The following CYTH4 variants were observed in gnomAD, a reference collection of about 807,000 sequenced individuals.
CYTH4 encodes cytohesin 4, also known as cytohesin-4.
CYTH4 carries 22 observed loss-of-function variants against 57.5 expected under a neutral mutation model. The ratio of observed to expected loss-of-function variants is 0.38; its 90% CI spans 0.27 to 0.55. The LOEUF (loss-of-function observed/expected upper bound fraction) is 0.55. Ranked by LOEUF, CYTH4 falls within the 20% of genes least tolerant of loss-of-function variation. The pLI, the probability that CYTH4 is intolerant of heterozygous loss-of-function variation, is 0.74. For synonymous variants in CYTH4, 186 were observed against 206.5 expected (o/e 0.90, Z 0.85); for missense variants, 420 against 535.6 (o/e 0.78, Z 2.13).
intron 9 of CYTH4, among the ~76,000 whole-genome samples, chr22:37,309,605 G>T (rs1220043627): frequency 2.0e-5 from 3 of 152,186 alleles, no homozygotes; most frequent in Non-Finnish European, 4.4e-5. Flanking sequence ...CTTCAGCTGC[G>T]GTTCTGTTTC....
chr22:37,301,989 A>G (rs1432105350), intron 7 of CYTH4: 1 of 169,026 alleles, frequency 5.9e-6, no homozygotes, highest in African/African-American at 2.4e-5. Flanking sequence ...GTGAGCCACC[A>G]TGCCAAGCCA....
At chr22:37,309,106 C>A in intron 8 of CYTH4, 106 bp from the exon 9 acceptor site, 1 of 831,186 alleles carries the variant, frequency 1.2e-6, no homozygotes, top group East Asian at 2.7e-5. Context: ...AAAGAGTATG[C>A]CTGCAGGTGA....
intron 12 of CYTH4, 130 bp downstream of exon 12, chr22:37,312,304 C>A: frequency 7.7e-7 from 1 of 1,290,470 alleles, no homozygotes; most frequent in Non-Finnish European, 1.1e-6. Flanking sequence ...GCTGGCAAAC[C>A]CCTTCCACCC....
intron 7 of CYTH4, 85 bp from the exon 8 acceptor site, chr22:37,303,169 T>C: frequency 1.3e-6 from 2 of 1,559,702 alleles, no homozygotes; most frequent in Non-Finnish European, 8.6e-7. Flanking sequence ...GGCCTTGCAA[T>C]GGCAGTTCTG....
Position 37,295,051 on chromosome 22 carries a change from A to C in CYTH4, c.167+327A>C, listed in dbSNP as rs1467450131. Among the ~76,000 whole-genome samples the C allele has an allele frequency of 6.6e-6, 1 of 152,140 alleles. No individual in the cohort carries two copies. The highest frequency in any genetic ancestry group is 1.5e-5 in the Non-Finnish European group (1 of 68,014). On this transcript the variant is annotated intron_variant, in intron 3 of 12. Coordinates refer to ENST00000248901, the MANE Select transcript of CYTH4 (RefSeq NM_013385.5). This position sits in a 1 kb window ranked among gnomAD's most constrained non-coding sequence, Gnocchi z 4.1. ...GGATGGGCGGGGAGAAGGGAAGCTC[A>C]GCCCCAAGGGCAAGGACAAGGAAGC...
chr22:37,308,142 GC>G (rs1425632910), intron 8 of CYTH4, among the ~76,000 whole-genome samples: 9 of 152,206 alleles, frequency 5.9e-5, no homozygotes, highest in African/African-American at 1.9e-4. Context: ...CCTCAGCTGG[GC>G]CTCTCAACAG....
intron 1 of CYTH4, among the ~76,000 whole-genome samples, chr22:37,291,643 G>A (rs564832297): frequency 3.3e-5 from 5 of 152,142 alleles, no homozygotes; most frequent in Admixed American, 2.6e-4. Flanking sequence ...CAGGGAATAA[G>A]TCTGGCTGCC....
chr22:37,314,364 CA>C lies in CYTH4; in HGVS notation c.*855del, dbSNP rs1929776191. 1 of 398,606 alleles carries C rather than the reference CA, an allele frequency of 2.5e-6. No homozygotes were observed. 24.7% of individuals were successfully genotyped at this position (398,606 alleles called of 1,614,324 possible). The stretch of plus-strand genomic sequence containing the variant: ...CGGGGAGAGGAGCAGGTGGGACCCT[CA>C]AGAAAATGACGGAGAACATCCCAGA... On this transcript the variant is annotated 3_prime_UTR_variant, in exon 13 of 13. Coordinates refer to ENST00000248901, the MANE Select transcript of CYTH4 (RefSeq NM_013385.5).
chr22:37,309,632 T>A (rs150424073), intron 9 of CYTH4, among the ~76,000 whole-genome samples: 1 of 152,044 alleles, frequency 6.6e-6, no homozygotes, highest in South Asian at 2.1e-4. Flanking sequence ...CCCAGCGGAA[T>A]GGGGAGGGAA....
chr22:37,297,365 A>C (rs1929012896), intron 4 of CYTH4, among the ~76,000 whole-genome samples, 199 bp from the exon 5 acceptor site: 1 of 152,060 alleles, frequency 6.6e-6, no homozygotes, highest in Non-Finnish European at 1.5e-5. Context: ...CTTTCTTTGC[A>C]TGCCTCCAGT....
intron 1 of CYTH4, among the ~76,000 whole-genome samples, chr22:37,287,577 G>C (rs1284228772): frequency 1.3e-5 from 2 of 151,894 alleles, no homozygotes; most frequent in Non-Finnish European, 2.9e-5. Context: ...TGCCGGAAGA[G>C]TTCCGGAGCC....
chr22:37,290,499 G>T (rs1032119257), intron 1 of CYTH4, among the ~76,000 whole-genome samples: 6 of 151,818 alleles, frequency 4.0e-5, no homozygotes, highest in African/African-American at 1.5e-4. Flanking sequence ...GGGTTTTTTT[G>T]TTTGTTTTGT....
intron 8 of CYTH4, 50 bp from the exon 9 acceptor site, chr22:37,309,162 G>A (rs762915792): frequency 1.9e-6 from 3 of 1,572,886 alleles, no homozygotes; most frequent in Non-Finnish European, 2.6e-6. Flanking sequence ...CTAGGCCTTG[G>A]ACTCGGGTGG....
At chr22:37,285,281 G>A (rs532927427) in intron 1 of CYTH4, among the ~76,000 whole-genome samples, 1 of 152,270 alleles carries the variant, frequency 6.6e-6, no homozygotes, top group South Asian at 2.1e-4. Flanking sequence ...GTGGGCTTGG[G>A]GTGGGGGTTC....
rs2145859928 is a variant in CYTH4 at position 37,295,545 on chromosome 22, C to T, written c.168-454C>T. On this transcript the variant is annotated intron_variant, in intron 3 of 12. Transcript: ENST00000248901. This position sits in a 1 kb window ranked among gnomAD's most constrained non-coding sequence, Gnocchi z 4.1. ...CGCCTCACTGTTTTAGGTGCTTTAA[C>T]CTCTCAACAATGCTGGGAGGCAGGT... is the stretch of plus-strand genomic sequence containing the variant. Among the ~76,000 whole-genome samples the T allele has an allele frequency of 6.6e-6, 1 of 152,328 alleles. No individual in the cohort carries two copies. The highest frequency in any genetic ancestry group is 2.1e-4 in the South Asian group (1 of 4,830).
chr22:37,302,401 G>T (rs1459351827), intron 7 of CYTH4, among the ~76,000 whole-genome samples: 1 of 152,180 alleles, frequency 6.6e-6, no homozygotes, highest in Non-Finnish European at 1.5e-5. Flanking sequence ...AACTTCCTGT[G>T]CCTCGGTTTC....
At position 37,299,264 on chromosome 22, in the gene CYTH4, A is replaced by G. The variant is rs753540581; in HGVS notation, c.392A>G (p.Asp131Gly). Residue 131 changes from aspartate (D) to glycine (G), a missense_variant, in exon 6 of 13, where the codon GAC becomes GGC. Coordinates refer to ENST00000248901, the MANE Select transcript of CYTH4 (RefSeq NM_013385.5). ...CTGCAGGTCCTCCAGGCCTTCGTGGACTGCCACGAGTTCGCCAACCTCAAC... is the reference window on the plus strand; with the variant it reads ...CTGCAGGTCCTCCAGGCCTTCGTGGGCTGCCACGAGTTCGCCAACCTCAAC... ...INLQVLQAFVDCHEFANLNLV... is the reference protein window; with the variant it reads ...INLQVLQAFVGCHEFANLNLV... 1 of 1,608,110 alleles carries G rather than the reference A, an allele frequency of 6.2e-7. No homozygotes were observed. The highest frequency in any genetic ancestry group is 8.5e-7 in the Non-Finnish European group (1 of 1,176,910).
At chr22:37,292,939 G>A (rs953445793) in intron 2 of CYTH4, among the ~76,000 whole-genome samples, 8 of 152,250 alleles carry the variant, frequency 5.3e-5, no homozygotes, top group Middle Eastern at 3.4e-3. Context: ...GGCGCCCACC[G>A]TGTGCCGATC....
chr22:37,288,394 G>C (rs1461425345), intron 1 of CYTH4, among the ~76,000 whole-genome samples: 2 of 151,978 alleles, frequency 1.3e-5, no homozygotes. Context: ...CCTGGTGACA[G>C]AGTGAGACTC....
Sources: allele counts gnomAD v4.1 joint callset (sites outside exome capture counted in the v4.1 genomes callset), GRCh38; gene constraint gnomAD v4.1.1; non-coding constraint Gnocchi (gnomAD v3.1); transcripts MANE v1.5; gene names NCBI Gene and HGNC (gene_info 2026-07-23, HGNC 2026-07-21).